The following ROBO1 variants were observed in gnomAD, a reference collection of about 807,000 sequenced individuals.
The protein encoded by ROBO1 is roundabout guidance receptor 1.
A neutral mutation model predicts 195.9 loss-of-function variants in ROBO1; 149 were observed. The ratio of observed to expected loss-of-function variants is 0.76; its 90% CI spans 0.67 to 0.87. The LOEUF is 0.87. Among genes scored for constraint, ROBO1 ranks in the 40% least tolerant of loss-of-function variants. ROBO1 has a pLI of 0.00. For missense variants in ROBO1, 1,933 were observed against 2,068.3 expected (o/e 0.93, Z 1.27); for synonymous variants, 816 against 733.2 (o/e 1.11, Z -1.82).
chr3:79,716,496 A>T (rs1397038867), intron 1 of ROBO1, among the ~76,000 whole-genome samples: 1 of 151,954 alleles, frequency 6.6e-6, no homozygotes, highest in African/African-American at 2.4e-5. Flanking sequence ...CTAAGTAAAT[A>T]TATTTTTCAC....
intron 4 of ROBO1, among the ~76,000 whole-genome samples, chr3:78,786,089 A>G (rs180766385): frequency 0.022 from 3,301 of 152,260 alleles, 99 homozygotes; most frequent in Admixed American, 0.05. Context: ...AGAGAAATAC[A>G]TAAGATCAGA....
At chr3:79,164,153 C>T (rs1260181827) in intron 2 of ROBO1, among the ~76,000 whole-genome samples, 2 of 152,062 alleles carry the variant, frequency 1.3e-5, no homozygotes, top group Non-Finnish European at 2.9e-5. Flanking sequence ...CCAGTGAGTC[C>T]TCAACATTAC....
Position 79,613,181 on chromosome 3 carries a change from T to A in ROBO1, c.-50-23220A>T, listed in dbSNP as rs534812205. On this transcript the variant is annotated intron_variant, in intron 1 of 30. Coordinates refer to ENST00000464233, the MANE Select transcript of ROBO1 (RefSeq NM_002941.4). ...ATATTTTGGAGGAGGAACAAATAGT[T>A]TTTTCATTTAGCTACACTGCTTTAT... Among the ~76,000 whole-genome samples the A allele has an allele frequency of 1.4e-4, 21 of 152,090 alleles. 1 individual carries two copies. Among genetic ancestry groups the A allele is most frequent in the African/African-American group, 5.1e-4 (21 of 41,520 alleles).
chr3:79,320,625 T>C (rs971923470), intron 2 of ROBO1, among the ~76,000 whole-genome samples: 11 of 152,132 alleles, frequency 7.2e-5, no homozygotes, highest in African/African-American at 2.7e-4. Flanking sequence ...TACCATCACA[T>C]TGTGGGTTAG....
chr3:79,032,755 G>A (rs1446168422), intron 3 of ROBO1, among the ~76,000 whole-genome samples: 1 of 151,950 alleles, frequency 6.6e-6, no homozygotes, highest in East Asian at 1.9e-4. Flanking sequence ...AAAAACTCAA[G>A]GGGTGCACAT....
At chr3:78,735,230 G>T (rs545079467) in intron 5 of ROBO1, among the ~76,000 whole-genome samples, 1 of 152,144 alleles carries the variant, frequency 6.6e-6, no homozygotes, top group Non-Finnish European at 1.5e-5. Context: ...CAAGACAGGA[G>T]AACTTAAAAT....
chr3:79,564,027 G>T (rs1943010985), intron 2 of ROBO1, among the ~76,000 whole-genome samples: 1 of 136,664 alleles, frequency 7.3e-6, no homozygotes, highest in Admixed American at 7.1e-5. Flanking sequence ...ATGTGTAAAT[G>T]GTAAAATTAA....
chr3:79,146,810 A>G (rs2080662622), intron 2 of ROBO1, among the ~76,000 whole-genome samples: 2 of 151,950 alleles, frequency 1.3e-5, no homozygotes, highest in Admixed American at 1.3e-4. Context: ...ATCTTAGTTG[A>G]ATCTGATTAT....
At chr3:79,558,725 A>C (rs1361841265) in intron 2 of ROBO1, among the ~76,000 whole-genome samples, 6 of 152,180 alleles carry the variant, frequency 3.9e-5, no homozygotes, top group Non-Finnish European at 8.8e-5. Context: ...TTAAATTAAA[A>C]CTGCATGATA....
chr3:78,650,747 G>A (rs1480947283), intron 19 of ROBO1, among the ~76,000 whole-genome samples: 2 of 152,276 alleles, frequency 1.3e-5, no homozygotes, highest in South Asian at 2.1e-4. Context: ...TGTTGCATTC[G>A]ACTGAAGGAT....
chr3:78,861,001 T>G (rs2034802012), intron 4 of ROBO1, among the ~76,000 whole-genome samples: 1 of 152,192 alleles, frequency 6.6e-6, no homozygotes, highest in Admixed American at 6.5e-5. Context: ...GTTCTTAACT[T>G]TTTCATTAAA....
chr3:79,300,972 G>T (rs1312539391), intron 2 of ROBO1, among the ~76,000 whole-genome samples: 1 of 152,006 alleles, frequency 6.6e-6, no homozygotes, highest in African/African-American at 2.4e-5. Context: ...CACACCACTG[G>T]GCTCTACCAA....
chr3:78,629,755 A>C (rs1048400295), intron 25 of ROBO1, among the ~76,000 whole-genome samples: 1 of 152,136 alleles, frequency 6.6e-6, no homozygotes, highest in Non-Finnish European at 1.5e-5. Flanking sequence ...GGTGTAATTT[A>C]TTTGTAAACC....
intron 1 of ROBO1, among the ~76,000 whole-genome samples, chr3:79,596,675 C>T (rs759506901): frequency 1.3e-5 from 2 of 151,956 alleles, no homozygotes; most frequent in African/African-American, 2.4e-5. Context: ...TTAAGTAACT[C>T]GTCTGCAAGA....
intron 7 of ROBO1, among the ~76,000 whole-genome samples, chr3:78,716,438 T>G (rs1038607707): frequency 6.6e-6 from 1 of 152,106 alleles, no homozygotes; most frequent in East Asian, 1.9e-4. Context: ...TCAGATCTCA[T>G]GAGAACTCAC....
chr3:79,140,357 T>C (rs1038674760), intron 2 of ROBO1, among the ~76,000 whole-genome samples: 1 of 152,188 alleles, frequency 6.6e-6, no homozygotes, highest in Non-Finnish European at 1.5e-5. Context: ...TTTATTTAGA[T>C]AATCAATATA....
chr3:78,902,076 G>C (rs1291016405), intron 4 of ROBO1, among the ~76,000 whole-genome samples: 1 of 152,096 alleles, frequency 6.6e-6, no homozygotes, highest in Non-Finnish European at 1.5e-5. Context: ...GCATCACTTA[G>C]TGTCACAAAT....
chr3:79,042,633 T>C (rs1323825103), intron 3 of ROBO1, among the ~76,000 whole-genome samples: 1 of 152,202 alleles, frequency 6.6e-6, no homozygotes, highest in Non-Finnish European at 1.5e-5. Context: ...GTTTCAAGCA[T>C]ACATTTTCTG....
intron 1 of ROBO1, among the ~76,000 whole-genome samples, chr3:79,615,086 T>C (rs1944778309): frequency 6.6e-6 from 1 of 152,054 alleles, no homozygotes; most frequent in African/African-American, 2.4e-5. Context: ...TAGTCAAACA[T>C]CTCTCATTAT....
Sources: gnomAD v4.1 joint callset for allele counts (sites outside exome capture counted in the v4.1 genomes callset) on GRCh38, gnomAD v4.1.1 for gene constraint, MANE v1.5 for transcripts, NCBI Gene and HGNC (gene_info 2026-07-23, HGNC 2026-07-21) for gene names.